Variants in ELOVL6 observed in about 807,000 individuals in gnomAD.
ELOVL6 encodes very long chain fatty acid elongase 6.
In ELOVL6, 8 loss-of-function variants were observed where a neutral mutation model predicts 31.7. That is an observed-to-expected ratio of 0.25 (90% CI 0.15 to 0.45). The LOEUF is 0.45. Among genes scored for constraint, ELOVL6 ranks in the 20% least tolerant of loss-of-function variants. The pLI is 1.00. For missense variants in ELOVL6, 126 were observed against 326.4 expected, an observed-to-expected ratio of 0.39 and a Z score of 4.73; for synonymous variants, 101 against 117.7, an observed-to-expected ratio of 0.86 and a Z score of 0.92.
At chr4:110,074,657 T>C (rs554010039) in intron 2 of ELOVL6, among the ~76,000 whole-genome samples, 1 of 152,298 alleles carries the variant, frequency 6.6e-6, no homozygotes, top group Admixed American at 6.5e-5. Flanking sequence ...ATATATATTA[T>C]AGTACGCCAG....
intron 2 of ELOVL6, among the ~76,000 whole-genome samples, chr4:110,069,173 G>GATAATAATAATAATAATAAT (rs1560805300): frequency 9.7e-6 from 1 of 102,850 alleles, no homozygotes; most frequent in African/African-American, 3.7e-5. Flanking sequence ...ATAATAATAG[G>GATAATAATAATAATAATAAT]GACACTTGGT....
At chr4:110,189,609 AAAAAAGAG>A (rs1387593104) in intron 1 of ELOVL6, among the ~76,000 whole-genome samples, 3 of 148,120 alleles carry the variant, frequency 2.0e-5, no homozygotes, top group African/African-American at 7.4e-5. Flanking sequence ...AAAAAAAAAA[AAAAAAGAG>A]AGAGAGAGAG....
rs1376510409 is a variant in ELOVL6 at position 110,158,649 on chromosome 4, ATATATATATTT to A, written c.89+39587_89+39597del. Among the ~76,000 whole-genome samples, 76 of 91,754 alleles carry A rather than the reference ATATATATATTT, an allele frequency of 8.3e-4. 1 individual carries two copies. Among genetic ancestry groups the A allele is most frequent in the African/African-American group, 4.5e-3 (71 of 15,860 alleles). 60.2% of individuals were successfully genotyped at this position (91,754 alleles called of 152,430 possible). A position where few individuals can be genotyped will look rare whatever the true frequency, so the allele number is the denominator to read the frequency against. On this transcript the variant is annotated intron_variant, in intron 1 of 3. Transcript: ENST00000302274. ...TATATACACGTGTATATATATATAT[ATATATATATTT>A]TTTTTTTTTTTTTTTTTGAGACAGA...
At chr4:110,132,689 A>T (rs1392477621) in intron 1 of ELOVL6, among the ~76,000 whole-genome samples, 3 of 152,034 alleles carry the variant, frequency 2.0e-5, no homozygotes, top group Non-Finnish European at 4.4e-5. Context: ...TACAAAAAAA[A>T]ATTAGCTGAG....
intron 1 of ELOVL6, among the ~76,000 whole-genome samples, chr4:110,181,907 A>C (rs935678461): frequency 2.6e-5 from 4 of 152,146 alleles, no homozygotes; most frequent in African/African-American, 9.7e-5. Flanking sequence ...CGTTTCAGAG[A>C]GTATCAAAAT....
intron 1 of ELOVL6, among the ~76,000 whole-genome samples, chr4:110,110,207 C>T (rs750698004): frequency 6.6e-6 from 1 of 151,986 alleles, no homozygotes; most frequent in African/African-American, 2.4e-5. Context: ...AATAACACTA[C>T]TTTTTGCCAA....
At chr4:110,055,984 G>A (rs770418792) in intron 3 of ELOVL6, among the ~76,000 whole-genome samples, 5 of 152,112 alleles carry the variant, frequency 3.3e-5, no homozygotes, top group Non-Finnish European at 7.4e-5. Flanking sequence ...TGAAGGGGGA[G>A]TTAGTGTGGA....
intron 1 of ELOVL6, among the ~76,000 whole-genome samples, chr4:110,169,496 G>T (rs566892184): frequency 6.6e-6 from 1 of 152,120 alleles, no homozygotes; most frequent in South Asian, 2.1e-4. Flanking sequence ...ACACACCTCA[G>T]CCTCCCAAAG....
intron 1 of ELOVL6, among the ~76,000 whole-genome samples, chr4:110,187,251 CCTTTGACCT>C (rs988902015): frequency 1.2e-4 from 18 of 151,784 alleles, no homozygotes; most frequent in African/African-American, 3.6e-4. Context: ...ATTAAGAGGT[CCTTTGACCT>C]CTTAATTGTC....
chr4:110,170,442 T>G (rs1186835649), intron 1 of ELOVL6, among the ~76,000 whole-genome samples: 1 of 152,200 alleles, frequency 6.6e-6, no homozygotes, highest in Non-Finnish European at 1.5e-5. Flanking sequence ...TCATAGTACT[T>G]TTGTAGTCAT....
chr4:110,124,882 G>C (rs1033832262), intron 1 of ELOVL6, among the ~76,000 whole-genome samples: 2 of 151,978 alleles, frequency 1.3e-5, no homozygotes, highest in African/African-American at 2.4e-5. Flanking sequence ...ACTGTTTTTA[G>C]GTCCAAGTTG....
intron 2 of ELOVL6, among the ~76,000 whole-genome samples, chr4:110,084,194 T>TTATATCATATATAACA (rs1756071906): frequency 6.6e-5 from 5 of 76,080 alleles, no homozygotes; most frequent in African/African-American, 3.0e-4. Flanking sequence ...AACATATAAC[T>TTATATCATATATAACA]TATATGATAT....
In ELOVL6 at chr4:110,084,187, A is replaced by ATATATGTGATAATGTTATATATGATATG. The variant is rs1491534943; in HGVS notation, c.221+21309_221+21310insCATATCATATATAACATTATCACATATA. Among the ~76,000 whole-genome samples the ATATATGTGATAATGTTATATATGATATG allele has an allele frequency of 1.6e-3, 84 of 52,722 alleles. 5 individuals carry two copies. The highest frequency in any genetic ancestry group is 0.011 in the South Asian group (18 of 1,624). 34.6% of individuals were successfully genotyped at this position (52,722 alleles called of 152,430 possible). A position where few individuals can be genotyped will look rare whatever the true frequency, so the allele number is the denominator to read the frequency against. On this transcript the variant is annotated intron_variant, in intron 2 of 3. Coordinates refer to ENST00000302274, the MANE Select transcript of ELOVL6 (RefSeq NM_024090.3). The stretch of plus-strand genomic sequence containing the variant: ...ATGTGATATATATGATATATATAAC[A>ATATATGTGATAATGTTATATATGATATG]TATAACTTATATGATATATATAACA...
Position 110,084,227 on chromosome 4 carries a change from T to TATATATATAACATATAACTTATATG in ELOVL6, c.221+21269_221+21270insCATATAAGTTATATGTTATATATAT, listed in dbSNP as rs1560814636. On this transcript the variant is annotated intron_variant, in intron 2 of 3. Coordinates refer to ENST00000302274, the MANE Select transcript of ELOVL6 (RefSeq NM_024090.3). Reference sequence around the variant, plus strand: ...TATATATAACATATAACTTATATGATATATATAACATATATGATATATATA... The same window carrying TATATATATAACATATAACTTATATG: ...TATATATAACATATAACTTATATGATATATATATAACATATAACTTATATGATATATAACATATATGATATATATA... 6.0e-5 allele frequency among the ~76,000 whole-genome samples: 6 copies of TATATATATAACATATAACTTATATG among 100,062 alleles called. 1 individual carries two copies. The highest frequency in any genetic ancestry group is 3.0e-4 in the African/African-American group (6 of 20,296). 65.6% of individuals were successfully genotyped at this position (100,062 alleles called of 152,430 possible). A position where few individuals can be genotyped will look rare whatever the true frequency, so the allele number is the denominator to read the frequency against.
chr4:110,189,298 A>G (rs749349215), intron 1 of ELOVL6, among the ~76,000 whole-genome samples: 3 of 152,010 alleles, frequency 2.0e-5, no homozygotes, highest in Non-Finnish European at 2.9e-5. Flanking sequence ...TAAAAAAGAG[A>G]GAGAGAGGCT....
chr4:110,101,299 C>G (rs1202014689), intron 2 of ELOVL6, among the ~76,000 whole-genome samples: 1 of 152,058 alleles, frequency 6.6e-6, no homozygotes, highest in Admixed American at 6.6e-5. Context: ...CTCAGCCTCC[C>G]AAAGTGCTGG....
intron 1 of ELOVL6, among the ~76,000 whole-genome samples, chr4:110,187,713 A>T (rs1473940378): frequency 6.7e-6 from 1 of 149,946 alleles, no homozygotes; most frequent in Non-Finnish European, 1.5e-5. Flanking sequence ...AAAAAAAAAA[A>T]TTGTAATGTG....
chr4:110,131,364 T>A (rs144589743), intron 1 of ELOVL6, among the ~76,000 whole-genome samples: 1 of 152,156 alleles, frequency 6.6e-6, no homozygotes, highest in African/African-American at 2.4e-5. Flanking sequence ...AATCCTCAAG[T>A]TCATATTATG....
At chr4:110,123,757 A>AT (rs1757417579) in intron 1 of ELOVL6, among the ~76,000 whole-genome samples, 1 of 152,148 alleles carries the variant, frequency 6.6e-6, no homozygotes, top group Non-Finnish European at 1.5e-5. Flanking sequence ...GATTCTACTG[A>AT]TTTTGTCTTT....
Sources: allele counts gnomAD v4.1 joint callset (sites outside exome capture counted in the v4.1 genomes callset), GRCh38; gene constraint gnomAD v4.1.1; transcripts MANE v1.5; gene names NCBI Gene and HGNC (gene_info 2026-07-23, HGNC 2026-07-21).